Variants in STK32B observed in about 807,000 individuals in gnomAD.
STK32B encodes serine/threonine kinase 32B.
A neutral mutation model predicts 52.6 loss-of-function variants in STK32B; 43 were observed. The ratio of observed to expected loss-of-function variants is 0.82; its 90% CI spans 0.64 to 1.05. The LOEUF is 1.05. Ranked by LOEUF, STK32B falls within the 50% of genes least tolerant of loss-of-function variation. STK32B has a pLI of 0.00. For synonymous variants in STK32B, 238 were observed against 204.3 expected, an observed-to-expected ratio of 1.17 and a Z score of -1.41; for missense variants, 621 against 534.6, an observed-to-expected ratio of 1.16 and a Z score of -1.59.
At chr4:5,436,775 C>A in intron 6 of STK32B, 1 of 692,190 alleles carries the variant, frequency 1.4e-6, no homozygotes, top group Non-Finnish European at 1.8e-6. Context: ...GACTTGACCT[C>A]AGGGGTACTA....
At chr4:5,130,713 G>A (rs565282353) in intron 1 of STK32B, among the ~76,000 whole-genome samples, 8 of 152,214 alleles carry the variant, frequency 5.3e-5, no homozygotes, top group African/African-American at 1.4e-4. Context: ...TTTTTAAGGC[G>A]CTGCTGAGGC....
chr4:5,164,017 T>C (rs905678702), intron 2 of STK32B, among the ~76,000 whole-genome samples: 2 of 152,186 alleles, frequency 1.3e-5, no homozygotes, highest in African/African-American at 4.8e-5. Context: ...GCCGGTTCTG[T>C]AGACCCATTT....
chr4:5,402,881 CATGTACATTGG>C (rs1046660550), intron 5 of STK32B, among the ~76,000 whole-genome samples: 4 of 152,106 alleles, frequency 2.6e-5, no homozygotes, highest in African/African-American at 9.7e-5. Context: ...GAGGAAGGGA[CATGTACATTGG>C]ATTCTGAAGC....
At chr4:5,281,777 G>A (rs1246826143) in intron 3 of STK32B, among the ~76,000 whole-genome samples, 5 of 152,128 alleles carry the variant, frequency 3.3e-5, no homozygotes, top group Admixed American at 2.0e-4. Context: ...TCTGGGGGAT[G>A]GAAGAGGACA....
intron 3 of STK32B, among the ~76,000 whole-genome samples, chr4:5,168,836 C>T (rs1254641115): frequency 6.6e-6 from 1 of 152,178 alleles, no homozygotes; most frequent in African/African-American, 2.4e-5. Flanking sequence ...CAGTATTCTA[C>T]TTCAGTACAG....
chr4:5,300,743 A>T (rs1302991871), intron 3 of STK32B, among the ~76,000 whole-genome samples: 1 of 152,178 alleles, frequency 6.6e-6, no homozygotes. Flanking sequence ...GAGGTGAAAG[A>T]TTCCTACAAG....
intron 3 of STK32B, among the ~76,000 whole-genome samples, chr4:5,282,069 A>G (rs1366679834): frequency 6.6e-6 from 1 of 151,994 alleles, no homozygotes; most frequent in African/African-American, 2.4e-5. Context: ...TAAGCTAACT[A>G]ACATATCCAT....
intron 1 of STK32B, among the ~76,000 whole-genome samples, chr4:5,129,282 TGAA>T (rs1257913932): frequency 2.0e-5 from 3 of 152,208 alleles, no homozygotes; most frequent in African/African-American, 7.2e-5. Context: ...CCCTGCTCAC[TGAA>T]TAACTCTTCT....
At chr4:5,237,078 A>G (rs1724688635) in intron 3 of STK32B, among the ~76,000 whole-genome samples, 1 of 152,184 alleles carries the variant, frequency 6.6e-6, no homozygotes, top group African/African-American at 2.4e-5. Flanking sequence ...CACACGGAGA[A>G]AAAAGATTAT....
At chr4:5,375,546 CTCTT>C (rs1443399443) in intron 4 of STK32B, among the ~76,000 whole-genome samples, 1 of 152,060 alleles carries the variant, frequency 6.6e-6, no homozygotes, top group African/African-American at 2.4e-5. Flanking sequence ...TTTCCAAGAG[CTCTT>C]TCTTGTCCTA....
rs1414409632 is a variant in STK32B at position 5,399,842 on chromosome 4, C to T, written c.472+1598C>T. Among the ~76,000 whole-genome samples, 5 of 152,232 alleles carry T rather than the reference C, an allele frequency of 3.3e-5. No individual in the cohort carries two copies. The highest frequency in any genetic ancestry group is 5.9e-5 in the Non-Finnish European group (4 of 68,012). ...GCTCGGGAAGGGGTAGATAACTCGCCCTCTTCCTGTCCCCTTTCTCTGCTC... is the reference window on the plus strand; with the variant it reads ...GCTCGGGAAGGGGTAGATAACTCGCTCTCTTCCTGTCCCCTTTCTCTGCTC... On this transcript the variant is annotated intron_variant, in intron 5 of 11. Transcript: ENST00000282908. This position sits in a 1 kb window ranked among gnomAD's most constrained non-coding sequence, Gnocchi z 5.4.
In STK32B at chr4:5,055,951, G is replaced by A. The variant is rs538075271; in HGVS notation, c.52+4036G>A. On this transcript the variant is annotated intron_variant, in intron 1 of 11. Transcript: ENST00000282908. ...GTTATTGTCTGTCTTTCTCCACTCAGTGCAAGTACCTTAAATCAGGGATCC... is the reference window on the plus strand; with the variant it reads ...GTTATTGTCTGTCTTTCTCCACTCAATGCAAGTACCTTAAATCAGGGATCC... Among the ~76,000 whole-genome samples, 9 of 151,878 alleles carry A rather than the reference G, an allele frequency of 5.9e-5. No homozygotes were observed. The South Asian group carries it at 1.9e-3, about 32-fold the overall frequency.
chr4:5,221,210 C>G (rs1723514772), intron 3 of STK32B, among the ~76,000 whole-genome samples: 2 of 152,162 alleles, frequency 1.3e-5, no homozygotes, highest in South Asian at 4.1e-4. Flanking sequence ...GTTCCCACAT[C>G]CACTTCTGGA....
chr4:5,199,126 T>G (rs2108773457), intron 3 of STK32B, among the ~76,000 whole-genome samples: 1 of 152,296 alleles, frequency 6.6e-6, no homozygotes, highest in South Asian at 2.1e-4. Context: ...TACAGGACAT[T>G]ATAAAGCAGA....
chr4:5,098,523 T>C (rs1417450292), intron 1 of STK32B, among the ~76,000 whole-genome samples: 1 of 152,238 alleles, frequency 6.6e-6, no homozygotes, highest in Non-Finnish European at 1.5e-5. Context: ...ATCTCATGAC[T>C]GCATGCTTAG....
intron 6 of STK32B, among the ~76,000 whole-genome samples, chr4:5,434,452 G>GTA (rs1182103278): frequency 0.18 from 25,559 of 142,334 alleles, 2,376 homozygotes; most frequent in Admixed American, 0.24. Context: ...GTGTGTGTGT[G>GTA]TGTATATATA....
At chr4:5,434,488 G>A (rs1713874414) in intron 6 of STK32B, among the ~76,000 whole-genome samples, 1 of 149,528 alleles carries the variant, frequency 6.7e-6, no homozygotes, top group African/African-American at 2.4e-5. Context: ...TTTATATTCA[G>A]CATGTTTATA....
chr4:5,458,551 C>T (rs781746970), intron 8 of STK32B: 2 of 152,056 alleles, frequency 1.3e-5, no homozygotes, highest in African/African-American at 2.4e-5. Context: ...CTCCTAACTT[C>T]AGGTCCCAGC....
At chr4:5,335,910 A>G (rs528585613) in intron 4 of STK32B, among the ~76,000 whole-genome samples, 10 of 151,700 alleles carry the variant, frequency 6.6e-5, no homozygotes, top group South Asian at 4.2e-4. Context: ...TATGTGGTCA[A>G]TTTTGGAATA....
Sources: allele counts gnomAD v4.1 joint callset (sites outside exome capture counted in the v4.1 genomes callset), GRCh38; gene constraint gnomAD v4.1.1; non-coding constraint Gnocchi (gnomAD v3.1); transcripts MANE v1.5; gene names NCBI Gene and HGNC (gene_info 2026-07-23, HGNC 2026-07-21).